VPS41: variants seen among roughly 807,000 people sequenced by gnomAD.
The protein encoded by VPS41 is VPS41 subunit of HOPS complex.
Under a neutral mutation model 130.9 loss-of-function variants are expected in VPS41, and 85 were observed. That is an observed-to-expected ratio of 0.65 (90% CI 0.55 to 0.78). VPS41 has a LOEUF of 0.78. Ranked by LOEUF, VPS41 falls within the 30% of genes least tolerant of loss-of-function variation. The pLI, the probability that VPS41 is intolerant of heterozygous loss-of-function variation, is 0.00. For synonymous variants in VPS41, 335 were observed against 332.9 expected, an observed-to-expected ratio of 1.01 and a Z score of -0.07; for missense variants, 874 against 1,018.7, an observed-to-expected ratio of 0.86 and a Z score of 1.93.
intron 10 of VPS41, among the ~76,000 whole-genome samples, chr7:38,779,039 ATG>A (rs1784312688): frequency 1.3e-5 from 2 of 152,316 alleles, no homozygotes; most frequent in Non-Finnish European, 2.9e-5. Context: ...AGAAACTCCA[ATG>A]TGTTCTAAAA....
chr7:38,818,136 C>T (rs1785096234), intron 6 of VPS41, among the ~76,000 whole-genome samples: 1 of 151,954 alleles, frequency 6.6e-6, no homozygotes, highest in African/African-American at 2.4e-5. Flanking sequence ...GCTGAGGACC[C>T]CTATAAGTGG....
intron 4 of VPS41, among the ~76,000 whole-genome samples, chr7:38,851,540 T>G (rs1785855192): frequency 6.6e-6 from 1 of 152,348 alleles, no homozygotes; most frequent in African/African-American, 2.4e-5. Context: ...ATTGTTTAGA[T>G]ATACCACATT....
chr7:38,834,627 C>T (rs930121155), intron 4 of VPS41, among the ~76,000 whole-genome samples: 2 of 152,104 alleles, frequency 1.3e-5, no homozygotes, highest in Non-Finnish European at 2.9e-5. Context: ...TGACTGTTAG[C>T]ATGGTGATGA....
intron 4 of VPS41, among the ~76,000 whole-genome samples, chr7:38,835,240 T>A (rs1431184742): frequency 1.3e-5 from 2 of 151,962 alleles, no homozygotes; most frequent in Non-Finnish European, 2.9e-5. Flanking sequence ...AAAATTTTTC[T>A]ATTTTATTAA....
chr7:38,821,072 GTACATCTGAAGTGT>G, intron 6 of VPS41, 117 bp downstream of exon 6: 2 of 670,334 alleles, frequency 3.0e-6, no homozygotes, highest in Non-Finnish European at 5.3e-6. Context: ...ATAGTATCCA[GTACATCTGAAGTGT>G]TGAACAGACA....
chr7:38,774,589 C>T (rs996601988), intron 11 of VPS41, among the ~76,000 whole-genome samples: 2 of 151,734 alleles, frequency 1.3e-5, no homozygotes, highest in Admixed American at 6.6e-5. Flanking sequence ...TAAAAATTGA[C>T]CACTGTAACA....
chr7:38,790,200 C>T (rs1030760325), intron 9 of VPS41, among the ~76,000 whole-genome samples: 4 of 152,092 alleles, frequency 2.6e-5, no homozygotes, highest in African/African-American at 7.2e-5. Context: ...TTTATAGCTG[C>T]TACCATTAAC....
At chr7:38,813,207 G>A (rs528982488) in intron 7 of VPS41, among the ~76,000 whole-genome samples, 15 of 152,092 alleles carry the variant, frequency 9.9e-5, no homozygotes, top group South Asian at 6.2e-4. Flanking sequence ...AATGAAATAC[G>A]GATACATGCC....
At chr7:38,898,992 T>C (rs762652724) in intron 1 of VPS41, among the ~76,000 whole-genome samples, 1 of 152,174 alleles carries the variant, frequency 6.6e-6, no homozygotes, top group Non-Finnish European at 1.5e-5. Flanking sequence ...ATATAACTAA[T>C]ACATTTTCAA....
At chr7:38,749,737 C>T (rs1451936960) in intron 22 of VPS41, among the ~76,000 whole-genome samples, 4 of 152,132 alleles carry the variant, frequency 2.6e-5, no homozygotes, top group Non-Finnish European at 4.4e-5. Flanking sequence ...GCTTGGGATG[C>T]GTTTAATTGG....
intron 1 of VPS41, among the ~76,000 whole-genome samples, chr7:38,906,396 G>C (rs1208533928): frequency 1.3e-5 from 2 of 151,576 alleles, no homozygotes; most frequent in East Asian, 3.9e-4. Flanking sequence ...CCAGACTGAA[G>C]TGCAGTGGCA....
chr7:38,739,434 T>A (rs767562755), intron 25 of VPS41, among the ~76,000 whole-genome samples: 1 of 152,218 alleles, frequency 6.6e-6, no homozygotes, highest in African/African-American at 2.4e-5. Flanking sequence ...AGTGAAATCC[T>A]TCTGGAAATT....
At chr7:38,868,449 G>T (rs751900151) in intron 3 of VPS41, among the ~76,000 whole-genome samples, 23 of 152,170 alleles carry the variant, frequency 1.5e-4, no homozygotes, top group Non-Finnish European at 4.4e-5. Context: ...GCCAGGAGAT[G>T]GATCAGACAA....
intron 2 of VPS41, among the ~76,000 whole-genome samples, chr7:38,889,881 A>G (rs1786824168): frequency 6.6e-6 from 1 of 152,226 alleles, no homozygotes; most frequent in South Asian, 2.1e-4. Context: ...TGGTGCTCAA[A>G]GTACATAAAG....
At chr7:38,898,227 G>A (rs143481120) in intron 1 of VPS41, 98 bp from the exon 2 acceptor site, 2 of 991,622 alleles carry the variant, frequency 2.0e-6, no homozygotes, top group African/African-American at 3.2e-5. Context: ...CCACGCATCT[G>A]CCCTTTTTGG....
chr7:38,813,725 C>T lies in VPS41; in HGVS notation c.450+4092G>A, dbSNP rs3801137. 3.3e-5 allele frequency among the ~76,000 whole-genome samples: 5 copies of T among 152,088 alleles called. No homozygotes were observed. In the East Asian group the frequency reaches 9.6e-4, roughly 29 times the overall value. On this transcript the variant is annotated intron_variant, in intron 7 of 28. Transcript: ENST00000310301. ...TGTTTTCTTTTAAATTATTTTAGTC[C>T]CAAATGTCTAAGTTAATAATAAAAT...
At chr7:38,828,701 G>A (rs756222807) in intron 5 of VPS41, among the ~76,000 whole-genome samples, 8 of 152,048 alleles carry the variant, frequency 5.3e-5, no homozygotes, top group Middle Eastern at 3.4e-3. Context: ...ATAAAAATAC[G>A]GGAAGATTAT....
intron 5 of VPS41, among the ~76,000 whole-genome samples, chr7:38,826,328 A>T (rs1054236869): frequency 3.3e-5 from 5 of 152,238 alleles, no homozygotes; most frequent in Non-Finnish European, 5.9e-5. Context: ...TAAACAAATC[A>T]AACAAAAACA....
intron 7 of VPS41, among the ~76,000 whole-genome samples, chr7:38,799,778 T>C (rs1784690220): frequency 6.6e-6 from 1 of 152,150 alleles, no homozygotes; most frequent in Admixed American, 6.5e-5. Context: ...GAGGAATGGA[T>C]TCATCCAGAC....
Sources: allele counts gnomAD v4.1 joint callset (sites outside exome capture counted in the v4.1 genomes callset), GRCh38; gene constraint gnomAD v4.1.1; transcripts MANE v1.5; gene names NCBI Gene and HGNC (gene_info 2026-07-23, HGNC 2026-07-21).